Variants in SS18L2 observed in about 807,000 individuals in gnomAD.
SS18L2 encodes SS18 like 2, also known as SS18-like protein 2.
Under a neutral mutation model 10.3 loss-of-function variants are expected in SS18L2, and 8 were observed. That is an observed-to-expected ratio of 0.78 (90% CI 0.46 to 1.41). The LOEUF is 1.41. Ranked by LOEUF, SS18L2 falls within the 40% of genes most tolerant of loss-of-function variation. The pLI is 0.00. For missense variants in SS18L2, 100 were observed against 96.2 expected, an observed-to-expected ratio of 1.04 and a Z score of -0.17; for synonymous variants, 41 against 34.6, an observed-to-expected ratio of 1.19 and a Z score of -0.65.
intron 1 of SS18L2, among the ~76,000 whole-genome samples, chr3:42,585,619 C>T (rs530650073): frequency 6.6e-6 from 1 of 152,292 alleles, no homozygotes; most frequent in East Asian, 1.9e-4. Flanking sequence ...TTTATCACCT[C>T]CATCACATTC....
intron 2 of SS18L2, among the ~76,000 whole-genome samples, chr3:42,592,008 C>T (rs919809298): frequency 1.1e-4 from 16 of 152,106 alleles, no homozygotes; most frequent in African/African-American, 3.9e-4. Flanking sequence ...GCTAAGCTTC[C>T]TCTCATTTCT....
rs1420421483 is a variant in SS18L2, at chr3:42,596,597, C to A, written c.*2088C>A. Among the ~76,000 whole-genome samples, 1 of 152,226 alleles carries A rather than the reference C, an allele frequency of 6.6e-6. No individual in the cohort carries two copies. The highest frequency in any genetic ancestry group is 1.5e-5 in the Non-Finnish European group (1 of 68,046). On this transcript the variant is annotated 3_prime_UTR_variant, in exon 3 of 3. Transcript: ENST00000011691. ...GAGGTGTCAGTCATTTTGGTTGATA[C>A]TAGCCCTAGGCCTGCCTTGTCCCAG...
chr3:42,592,604 C>T (rs1265184545), intron 2 of SS18L2, among the ~76,000 whole-genome samples: 2 of 152,198 alleles, frequency 1.3e-5, no homozygotes, highest in Non-Finnish European at 2.9e-5. Context: ...TCACTGAATA[C>T]CTTAATAGAA....
chr3:42,589,227 C>T (rs1405904960), upstream of SS18L2, among the ~76,000 whole-genome samples: 3 of 151,944 alleles, frequency 2.0e-5, no homozygotes, highest in African/African-American at 7.3e-5. Context: ...CGAGATCACA[C>T]CACTGCACTC....
intron 2 of SS18L2, 27 bp from the exon 3 acceptor site, chr3:42,594,395 G>C: frequency 6.3e-7 from 1 of 1,588,530 alleles, no homozygotes; most frequent in African/African-American, 1.3e-5. Flanking sequence ...ACAAGCCTCT[G>C]ATTTTTGCCT....
upstream of SS18L2, chr3:42,587,616 G>C (rs1379571998): frequency 6.6e-6 from 1 of 152,116 alleles, no homozygotes; most frequent in South Asian, 2.1e-4. Flanking sequence ...AGCGCCTGTA[G>C]TCCCAGCTAC....
At chr3:42,585,940 AC>A (rs1321765790), upstream of SS18L2, among the ~76,000 whole-genome samples, 38 of 150,220 alleles carry the variant, frequency 2.5e-4, 1 homozygote, top group African/African-American at 7.6e-4. Flanking sequence ...CCACTCTTCA[AC>A]CCCCCCTCCC....
At position 42,591,620 on chromosome 3, in the gene SS18L2, G is replaced by T. The variant is rs377123772; in HGVS notation, c.146+19G>T. 1.3e-6 allele frequency: 2 copies of T among 1,584,022 alleles called. No homozygotes were observed. The highest frequency in any genetic ancestry group is 1.3e-5 in the African/African-American group (1 of 74,248). On this transcript the variant is annotated intron_variant, in intron 2 of 2. Coordinates refer to ENST00000011691, the MANE Select transcript of SS18L2 (RefSeq NM_001370300.1). Reference sequence around the variant, plus strand: ...GCGTGCAGTAAGTACCCCCACCCCCGCGCCCCTGACCTGTGGGTAGAGGGG... The same window carrying T: ...GCGTGCAGTAAGTACCCCCACCCCCTCGCCCCTGACCTGTGGGTAGAGGGG...
chr3:42,587,038 C>T (rs1467362021), upstream of SS18L2, among the ~76,000 whole-genome samples: 1 of 152,202 alleles, frequency 6.6e-6, no homozygotes. Context: ...GCCAAATCTA[C>T]TTCTAATGTC....
In SS18L2 at chr3:42,591,585, G is replaced by C. The variant is rs868283871; in HGVS notation, c.130G>C (p.Gly44Arg). 3 of 1,613,426 alleles carry C rather than the reference G, an allele frequency of 1.9e-6. No individual in the cohort carries two copies. Among genetic ancestry groups the C allele is most frequent in the South Asian group, 1.1e-5 (1 of 91,066 alleles). ...CIVEYQNKGR[G>R]NECVQYQHVL... is the part of the protein sequence containing the mutation. The stretch of plus-strand genomic sequence containing the variant: ...TGTGGAGTATCAGAACAAGGGCCGC[G>C]GGAACGAGTGCGTGCAGTAAGTACC... The change falls in exon 2 of 3, where the codon GGG (glycine) becomes CGG (arginine). Residue 44 changes from glycine (G) to arginine (R), a missense_variant. By Grantham distance (125) the Gly-to-Arg change is moderately radical. Coordinates refer to ENST00000011691, the MANE Select transcript of SS18L2 (RefSeq NM_001370300.1).
chr3:42,590,716 C>T, upstream of SS18L2: 3 of 680,996 alleles, frequency 4.4e-6, no homozygotes, highest in Non-Finnish European at 7.7e-6. Context: ...AAAACGCCCC[C>T]GGCGTTCTGG....
rs1305237846 is a variant in SS18L2, at chr3:42,590,911, T to C, written c.14T>C (p.Phe5Ser). ...AGGTTCCTCGGGATGTCGGTGGCCT[T>C]CGTACCGGACTGGCTGAGGGGCAAG... Reference protein sequence around the residue: MSVAFVPDWLRGKAE... With the variant: MSVASVPDWLRGKAE... Residue 5 changes from phenylalanine (F) to serine (S), a missense_variant, in exon 1 of 3, where the codon TTC (phenylalanine) becomes TCC (serine). Transcript: ENST00000011691. The C allele has an allele frequency of 6.4e-7, 1 of 1,559,800 alleles. No individual in the cohort carries two copies. Among genetic ancestry groups the C allele is most frequent in the East Asian group, 2.5e-5 (1 of 40,112 alleles).
At chr3:42,591,043 C>T in intron 1 of SS18L2, 77 bp downstream of exon 1, 6 of 1,468,566 alleles carry the variant, frequency 4.1e-6, no homozygotes, top group Non-Finnish European at 5.5e-6. Flanking sequence ...GAGAAGCATC[C>T]TGTAGTGAGC....
At chr3:42,593,832 C>A (rs141265679) in intron 2 of SS18L2, among the ~76,000 whole-genome samples, 2 of 152,254 alleles carry the variant, frequency 1.3e-5, no homozygotes, top group Non-Finnish European at 2.9e-5. Flanking sequence ...AGGGAGCCAG[C>A]TATGCAGTAG....
intron 2 of SS18L2, among the ~76,000 whole-genome samples, chr3:42,592,492 G>A (rs1292743666): frequency 1.3e-5 from 2 of 152,052 alleles, no homozygotes; most frequent in Admixed American, 6.6e-5. Context: ...GAGCCACCAC[G>A]GCCGACCTTA....
At chr3:42,590,812 G>T, upstream of SS18L2, 4 of 1,373,888 alleles carry the variant, frequency 2.9e-6, no homozygotes, top group Non-Finnish European at 3.1e-6. Context: ...CCTGTAGGCG[G>T]GAGCATCCAA....
upstream of SS18L2, among the ~76,000 whole-genome samples, chr3:42,586,687 T>C (rs1356492139): frequency 1.3e-5 from 2 of 152,262 alleles, no homozygotes; most frequent in Non-Finnish European, 2.9e-5. Context: ...TCTTTTCCTC[T>C]GCCATAAGAG....
At position 42,590,912 on chromosome 3, in the gene SS18L2, C is replaced by T. The variant is rs1704801660; in HGVS notation, c.15C>T (p.Phe5=). The change falls in exon 1 of 3, where the codon TTC becomes TTT. Residue 5 remains phenylalanine, a synonymous_variant. Coordinates refer to ENST00000011691, the MANE Select transcript of SS18L2 (RefSeq NM_001370300.1). MSVA[F]VPDWLRGKAE... Reference sequence around the variant, plus strand: ...GGTTCCTCGGGATGTCGGTGGCCTTCGTACCGGACTGGCTGAGGGGCAAGG... The same window carrying T: ...GGTTCCTCGGGATGTCGGTGGCCTTTGTACCGGACTGGCTGAGGGGCAAGG... The T allele has an allele frequency of 6.4e-7, 1 of 1,569,392 alleles. No individual in the cohort carries two copies. The highest frequency in any genetic ancestry group is 1.1e-5 in the South Asian group (1 of 90,430).
intron 2 of SS18L2, among the ~76,000 whole-genome samples, chr3:42,594,163 G>A (rs987866551): frequency 2.0e-4 from 31 of 152,314 alleles, no homozygotes; most frequent in Middle Eastern, 3.4e-3. Flanking sequence ...AAGTAGGTGC[G>A]CAAAGATAGA....
Sources: allele counts gnomAD v4.1 joint callset (sites outside exome capture counted in the v4.1 genomes callset), GRCh38; gene constraint gnomAD v4.1.1; transcripts MANE v1.5; gene names NCBI Gene and HGNC (gene_info 2026-07-23, HGNC 2026-07-21).